Variants in ZSCAN22 observed in about 807,000 individuals in gnomAD.
ZSCAN22 encodes the protein zinc finger and SCAN domain-containing protein 22.
ZSCAN22 carries 7 observed loss-of-function variants against 12.4 expected under a neutral mutation model. The observed-to-expected ratio is 0.57, with a 90% CI of 0.32 to 1.06. ZSCAN22 has a LOEUF of 1.06. Among genes scored for constraint, ZSCAN22 ranks in the 50% least tolerant of loss-of-function variants. ZSCAN22 has a pLI of 0.04. For synonymous variants in ZSCAN22, 243 were observed against 255.9 expected (o/e 0.95, Z 0.48); for missense variants, 576 against 631.7 (o/e 0.91, Z 0.94).
At chr19:58,327,718 G>C (rs1206350165) in intron 1 of ZSCAN22, among the ~76,000 whole-genome samples, 1 of 152,192 alleles carries the variant, frequency 6.6e-6, no homozygotes, top group African/African-American at 2.4e-5. Flanking sequence ...TGGGTTGTGA[G>C]ATACTGTGAG....
In ZSCAN22 at chr19:58,335,047, C is replaced by A; in HGVS notation, c.245C>A (p.Ala82Glu). ...TGCTGTCAGTGGCTGCAGCCCGAGG[C>A]GCACTCCAAGGAGCAGATACTGGAG... The part of the protein sequence containing the change: ...ALCCQWLQPE[A>E]HSKEQILELL... Residue 82 changes from alanine (A) to glutamate (E), a missense_variant, in exon 2 of 3, where the codon GCG (alanine) becomes GAG (glutamate). By Grantham distance (107) the Ala-to-Glu change is moderately radical (BLOSUM62 -1). Coordinates refer to ENST00000329665, the MANE Select transcript of ZSCAN22 (RefSeq NM_181846.3). This position sits in a 1 kb window ranked among gnomAD's most constrained non-coding sequence, Gnocchi z 4.1. 6.2e-7 allele frequency: 1 copy of A among 1,614,042 alleles called. No homozygotes were observed. The highest frequency in any genetic ancestry group is 1.1e-5 in the South Asian group (1 of 91,084).
In ZSCAN22 at chr19:58,338,160, C is replaced by CG; in HGVS notation, c.404-94_404-93insG. The CG allele has an allele frequency of 8.4e-7, 1 of 1,188,770 alleles. No homozygotes were observed. Among genetic ancestry groups the CG allele is most frequent in the Non-Finnish European group, 1.2e-6 (1 of 843,458 alleles). The allele number at this position is 1,188,770 out of a possible 1,614,324, so 73.6% of individuals were successfully genotyped here. On this transcript the variant is annotated intron_variant, in intron 2 of 2. Transcript: ENST00000329665. This position sits in a 1 kb window ranked among gnomAD's most constrained non-coding sequence, Gnocchi z 5.4. ...GGGGCCAGATGTTAGGAACGGGCCACATCTCCCCTTACAAAGTGTGACCGG... is the reference window on the plus strand; with the variant it reads ...GGGGCCAGATGTTAGGAACGGGCCACGATCTCCCCTTACAAAGTGTGACCGG...
rs1053499040 is a variant in ZSCAN22, at chr19:58,341,684, A to T, written c.*2358A>T. The T allele has an allele frequency of 6.6e-6, 1 of 152,236 alleles. No individual in the cohort carries two copies. The highest frequency in any genetic ancestry group is 1.5e-5 in the Non-Finnish European group (1 of 68,068). The allele number at this position is 152,236 out of a possible 1,614,324, so 9.4% of individuals were successfully genotyped here. On this transcript the variant is annotated 3_prime_UTR_variant, in exon 3 of 3. Coordinates refer to ENST00000329665, the MANE Select transcript of ZSCAN22 (RefSeq NM_181846.3). ...CATATCGTGTGCCAGAGGCTGAGAG[A>T]CTGAGAGGGATGACAGGCTTAGGGG... is the stretch of plus-strand genomic sequence containing the variant.
intron 1 of ZSCAN22, among the ~76,000 whole-genome samples, 197 bp downstream of exon 1, chr19:58,327,311 C>T (rs1434965025): frequency 6.6e-6 from 1 of 152,162 alleles, no homozygotes; most frequent in African/African-American, 2.4e-5. Context: ...GACGGACTGA[C>T]GGACCAGGCG....
intron 2 of ZSCAN22, among the ~76,000 whole-genome samples, chr19:58,336,784 C>T (rs1299339974): frequency 6.6e-6 from 1 of 152,156 alleles, no homozygotes; most frequent in African/African-American, 2.4e-5. Context: ...GGGCCCAGCA[C>T]GACAAGAGCC....
At position 58,335,516 on chromosome 19, in the gene ZSCAN22, C is replaced by G. The variant is rs1371880658; in HGVS notation, c.403+311C>G. Among the ~76,000 whole-genome samples the G allele has an allele frequency of 1.3e-5, 2 of 152,154 alleles. No individual in the cohort carries two copies. The highest frequency in any genetic ancestry group is 2.9e-5 in the Non-Finnish European group (2 of 68,038). ...TCTCAGTTGGTTTTTTCTGTGTTAG[C>G]TTCATTCTTATTTTAGGTTCTCTTT... On this transcript the variant is annotated intron_variant, in intron 2 of 2. Transcript: ENST00000329665. This position sits in a 1 kb window ranked among gnomAD's most constrained non-coding sequence, Gnocchi z 4.1.
chr19:58,335,595 A>C lies in ZSCAN22; in HGVS notation c.403+390A>C, dbSNP rs767085477. ...CCAGGCTTATGTCTTACCAATGTAG[A>C]AACCCCGGGGTAATAACAATAAGAG... On this transcript the variant is annotated intron_variant, in intron 2 of 2. Coordinates refer to ENST00000329665, the MANE Select transcript of ZSCAN22 (RefSeq NM_181846.3). This position sits in a 1 kb window ranked among gnomAD's most constrained non-coding sequence, Gnocchi z 4.1. Among the ~76,000 whole-genome samples the C allele has an allele frequency of 6.6e-6, 1 of 152,190 alleles. No homozygotes were observed. The highest frequency in any genetic ancestry group is 6.5e-5 in the Admixed American group (1 of 15,282).
At chr19:58,332,395 T>A (rs994277622) in intron 1 of ZSCAN22, among the ~76,000 whole-genome samples, 1 of 145,382 alleles carries the variant, frequency 6.9e-6, no homozygotes, top group African/African-American at 2.5e-5. Context: ...TGCCTCAGCC[T>A]CCTGAGTAGT....
chr19:58,332,616 A>G (rs1396704201), intron 1 of ZSCAN22, among the ~76,000 whole-genome samples: 2 of 152,104 alleles, frequency 1.3e-5, no homozygotes, highest in African/African-American at 4.8e-5. Context: ...TTCAAGGTTC[A>G]TCCATGTTGT....
rs1277454778 is a variant in ZSCAN22 at position 58,338,960 on chromosome 19, C to T, written c.1110C>T (p.His370=). The T allele has an allele frequency of 1.2e-6, 2 of 1,613,776 alleles. No homozygotes were observed. Among genetic ancestry groups the T allele is most frequent in the African/African-American group, 1.3e-5 (1 of 74,926 alleles). The change falls in exon 3 of 3, where the codon CAC becomes CAT. Residue 370 remains histidine, a synonymous_variant. Coordinates refer to ENST00000329665, the MANE Select transcript of ZSCAN22 (RefSeq NM_181846.3). The surrounding 1 kb of genome is among the most constrained non-coding windows in gnomAD (Gnocchi z 5.4). ...TFSRSTHLTQ[H]QRVHTGERPY... ...GCCGCAGCACTCACCTCACCCAGCA[C>T]CAGCGGGTGCACACGGGGGAGCGGC... is the stretch of plus-strand genomic sequence containing the variant.
Position 58,339,414 on chromosome 19 carries a change from CA to C in ZSCAN22, c.*89del. On this transcript the variant is annotated 3_prime_UTR_variant, in exon 3 of 3. Coordinates refer to ENST00000329665, the MANE Select transcript of ZSCAN22 (RefSeq NM_181846.3). This position sits in a 1 kb window ranked among gnomAD's most constrained non-coding sequence, Gnocchi z 5.6. The stretch of plus-strand genomic sequence containing the variant: ...CGCTGAGTTCCTGAAGAGCCACAGA[CA>C]GGGTGGGTGATTGATGAGTTGTCAA... The C allele has an allele frequency of 8.0e-7, 1 of 1,252,112 alleles. No individual in the cohort carries two copies. The highest frequency in any genetic ancestry group is 1.5e-5 in the African/African-American group (1 of 66,476). The allele number at this position is 1,252,112 out of a possible 1,614,324, so 77.6% of individuals were successfully genotyped here.
chr19:58,336,097 G>A (rs898907636), intron 2 of ZSCAN22, among the ~76,000 whole-genome samples: 1 of 152,194 alleles, frequency 6.6e-6, no homozygotes, highest in Non-Finnish European at 1.5e-5. Flanking sequence ...TCAAGGCTCA[G>A]TAGATCCAAC....
At chr19:58,328,783 C>T (rs575485466) in intron 1 of ZSCAN22, among the ~76,000 whole-genome samples, 1 of 152,296 alleles carries the variant, frequency 6.6e-6, no homozygotes, top group East Asian at 1.9e-4. Flanking sequence ...ATTGTCATCC[C>T]TGCCACCCTT....
chr19:58,330,439 CA>C, intron 1 of ZSCAN22, among the ~76,000 whole-genome samples: 1 of 152,314 alleles, frequency 6.6e-6, no homozygotes, highest in South Asian at 2.1e-4. Context: ...AACATACTGC[CA>C]AATTGTTTGC....
chr19:58,329,323 G>C lies in ZSCAN22; in HGVS notation c.-52+2209G>C, dbSNP rs1349961278. On this transcript the variant is annotated intron_variant, in intron 1 of 2. Transcript: ENST00000329665. The surrounding 1 kb of genome is among the most constrained non-coding windows in gnomAD (Gnocchi z 4.1). Reference sequence around the variant, plus strand: ...CAGGCCTCCTGCATCTCTGTCCAGGGTGACTTCCTTGAGCAGAGACTCCAG... The same window carrying C: ...CAGGCCTCCTGCATCTCTGTCCAGGCTGACTTCCTTGAGCAGAGACTCCAG... Among the ~76,000 whole-genome samples the C allele has an allele frequency of 1.3e-5, 2 of 152,200 alleles. No homozygotes were observed. Among genetic ancestry groups the C allele is most frequent in the Non-Finnish European group, 2.9e-5 (2 of 68,032 alleles).
At chr19:58,331,255 C>T (rs1475570458) in intron 1 of ZSCAN22, among the ~76,000 whole-genome samples, 4 of 145,716 alleles carry the variant, frequency 2.7e-5, no homozygotes, top group African/African-American at 1.0e-4. Context: ...CTCACTCTGT[C>T]GGCCAGGCTG....
chr19:58,332,033 C>G (rs1389415297), intron 1 of ZSCAN22, among the ~76,000 whole-genome samples: 1 of 151,900 alleles, frequency 6.6e-6, no homozygotes, highest in African/African-American at 2.4e-5. Flanking sequence ...ACCACCACGC[C>G]CGGCTGATTT....
Position 58,338,427 on chromosome 19 carries a change from A to G in ZSCAN22, c.577A>G (p.Ile193Val), listed in dbSNP as rs1035934405. ...AGAGAGGTCTGGACTATCAGGGGAG[A>G]TCTGGACAAAGTCTGTCACCCAACA... is the stretch of plus-strand genomic sequence containing the variant. Reference protein sequence around the residue: ...SSERSGLSGEIWTKSVTQQIH... With the variant: ...SSERSGLSGEVWTKSVTQQIH... The change falls in exon 3 of 3, where the codon ATC becomes GTC. Residue 193 changes from isoleucine to valine, a missense_variant. By Grantham distance (29) the Ile-to-Val change is conservative. Coordinates refer to ENST00000329665, the MANE Select transcript of ZSCAN22 (RefSeq NM_181846.3). The surrounding 1 kb of genome is among the most constrained non-coding windows in gnomAD (Gnocchi z 5.4). 6.2e-7 allele frequency: 1 copy of G among 1,614,006 alleles called. No individual in the cohort carries two copies. The highest frequency in any genetic ancestry group is 8.5e-7 in the Non-Finnish European group (1 of 1,180,024).
intron 2 of ZSCAN22, among the ~76,000 whole-genome samples, chr19:58,337,041 T>G (rs1402051577): frequency 6.6e-6 from 1 of 152,184 alleles, no homozygotes; most frequent in South Asian, 2.1e-4. Context: ...GCAGGGCAGG[T>G]CAGTGCGAGC....
Sources: allele counts gnomAD v4.1 joint callset (sites outside exome capture counted in the v4.1 genomes callset), GRCh38; gene constraint gnomAD v4.1.1; non-coding constraint Gnocchi (gnomAD v3.1); transcripts MANE v1.5; gene names NCBI Gene and HGNC (gene_info 2026-07-23, HGNC 2026-07-21).